PHF14: variants seen among roughly 807,000 people sequenced by gnomAD.
PHF14 encodes PHD finger protein 14.
In PHF14, 55 loss-of-function variants were observed where a neutral mutation model predicts 117.9. That is an observed-to-expected ratio of 0.47 (90% CI 0.38 to 0.58). PHF14 has a LOEUF of 0.58. Ranked by LOEUF, PHF14 falls within the 20% of genes least tolerant of loss-of-function variation. The probability of loss-of-function intolerance (pLI) is 0.00; values close to 1 mark genes in which losing one functional copy is unlikely to be tolerated. For missense variants in PHF14, 978 were observed against 1,122.2 expected (o/e 0.87, Z 1.84); for synonymous variants, 409 against 368.6 (o/e 1.11, Z -1.26).
intron 17 of PHF14, among the ~76,000 whole-genome samples, chr7:11,112,572 C>A (rs1257464380): frequency 2.0e-5 from 3 of 151,982 alleles, no homozygotes; most frequent in Non-Finnish European, 2.9e-5. Flanking sequence ...GAGTTCGAGA[C>A]CAGCCTGGCC....
chr7:11,005,350 TTCAG>T (rs1188713517), intron 4 of PHF14, among the ~76,000 whole-genome samples: 2 of 152,216 alleles, frequency 1.3e-5, no homozygotes, highest in African/African-American at 4.8e-5. Flanking sequence ...TTTTTTCCTT[TTCAG>T]TATTACTGTG....
chr7:11,154,056 A>G (rs1201099847), intron 17 of PHF14, among the ~76,000 whole-genome samples: 1 of 152,100 alleles, frequency 6.6e-6, no homozygotes, highest in Non-Finnish European at 1.5e-5. Flanking sequence ...TGTCGCCGGT[A>G]GGGTCTACCA....
At chr7:11,071,011 G>C (rs1328835975) in intron 16 of PHF14, among the ~76,000 whole-genome samples, 1 of 152,134 alleles carries the variant, frequency 6.6e-6, no homozygotes, top group Non-Finnish European at 1.5e-5. Flanking sequence ...GCTTCTTGAA[G>C]CTAAAATAAT....
intron 7 of PHF14, among the ~76,000 whole-genome samples, chr7:11,034,179 A>C (rs928410762): frequency 8.6e-5 from 13 of 151,356 alleles, no homozygotes; most frequent in South Asian, 2.1e-4. Flanking sequence ...CTGTTCTTAT[A>C]TGTCTCTCCT....
intron 16 of PHF14, among the ~76,000 whole-genome samples, chr7:11,086,506 G>A (rs1410489008): frequency 2.6e-5 from 4 of 152,046 alleles, no homozygotes; most frequent in Admixed American, 1.3e-4. Context: ...TAGTCCATAT[G>A]TCTTGGTCAG....
chr7:11,111,565 G>T, intron 17 of PHF14, 98 bp downstream of exon 17: 4 of 600,638 alleles, frequency 6.7e-6, no homozygotes, highest in Admixed American at 2.7e-5. Flanking sequence ...ATTGGAATAT[G>T]AAGAACCAAC....
intron 16 of PHF14, chr7:11,103,151 A>G (rs1421279795): frequency 1.0e-6 from 1 of 978,468 alleles, no homozygotes; most frequent in Non-Finnish European, 1.2e-6. Context: ...GAAGCATATG[A>G]CATTCTATTT....
At chr7:11,008,598 T>C (rs1339238167) in intron 4 of PHF14, among the ~76,000 whole-genome samples, 1 of 152,162 alleles carries the variant, frequency 6.6e-6, no homozygotes, top group Non-Finnish European at 1.5e-5. Flanking sequence ...ATAATCCCCC[T>C]GTCCCATCCA....
intron 16 of PHF14, among the ~76,000 whole-genome samples, chr7:11,100,093 C>G (rs1304897104): frequency 6.6e-6 from 1 of 152,024 alleles, no homozygotes; most frequent in Non-Finnish European, 1.5e-5. Flanking sequence ...ATTTTTCTTT[C>G]ATTTTTAAAT....
intron 17 of PHF14, among the ~76,000 whole-genome samples, chr7:11,140,960 C>T (rs958953500): frequency 4.6e-5 from 7 of 152,036 alleles, no homozygotes; most frequent in African/African-American, 1.7e-4. Flanking sequence ...TAGGTAACTT[C>T]CTTTTTCATG....
rs149249620 is a variant in PHF14, at chr7:11,029,413, G to C, written c.1455+595G>C. On this transcript the variant is annotated intron_variant, in intron 7 of 17. Transcript: ENST00000634607. ...GAACTCTGTTCTTTCATGAGTATTA[G>C]TGGAGACTTCCAGAGATTACATACA... 6.5e-3 allele frequency among the ~76,000 whole-genome samples: 988 copies of C among 152,200 alleles called. 44 individuals are homozygous for C. The highest frequency in any genetic ancestry group is 0.056 in the Admixed American group (854 of 15,290).
At chr7:11,039,180 A>G (rs1784420414) in intron 11 of PHF14, among the ~76,000 whole-genome samples, 1 of 151,892 alleles carries the variant, frequency 6.6e-6, no homozygotes, top group African/African-American at 2.4e-5. Context: ...CTTTCCTTTA[A>G]TTTAGCAGTT....
intron 11 of PHF14, among the ~76,000 whole-genome samples, chr7:11,039,294 T>C (rs114597711): frequency 0.013 from 1,982 of 152,252 alleles, 40 homozygotes; most frequent in African/African-American, 0.045. Context: ...ACTAGAGATA[T>C]TCATTTTTAT....
intron 17 of PHF14, among the ~76,000 whole-genome samples, chr7:11,123,506 G>C (rs950063684): frequency 3.3e-5 from 5 of 152,138 alleles, no homozygotes; most frequent in Admixed American, 3.3e-4. Context: ...AGTTGGCTGG[G>C]CGCAGTGGCT....
intron 17 of PHF14, among the ~76,000 whole-genome samples, chr7:11,125,102 T>A (rs1787890556): frequency 6.6e-6 from 1 of 152,072 alleles, no homozygotes; most frequent in Non-Finnish European, 1.5e-5. Context: ...ACAATATGGA[T>A]GATTTATGTA....
intron 4 of PHF14, among the ~76,000 whole-genome samples, chr7:11,000,303 A>ATG (rs2128312822): frequency 7.6e-6 from 1 of 131,738 alleles, no homozygotes; most frequent in South Asian, 2.6e-4. Flanking sequence ...CTGTTGTATG[A>ATG]TGTGGAGTAT....
chr7:11,066,144 A>T (rs1222153917), intron 16 of PHF14, among the ~76,000 whole-genome samples: 1 of 152,214 alleles, frequency 6.6e-6, no homozygotes, highest in African/African-American at 2.4e-5. Flanking sequence ...TACATTTAAA[A>T]ATCTGGCTTG....
At chr7:11,083,101 G>A (rs576570262) in intron 16 of PHF14, among the ~76,000 whole-genome samples, 1 of 152,156 alleles carries the variant, frequency 6.6e-6, no homozygotes, top group Admixed American at 6.5e-5. Flanking sequence ...AGAGAATCGG[G>A]TCTAGCTTAG....
intron 16 of PHF14, among the ~76,000 whole-genome samples, chr7:11,098,542 G>A (rs988858075): frequency 2.0e-5 from 3 of 151,996 alleles, no homozygotes; most frequent in South Asian, 2.1e-4. Context: ...CTTCTGGCTC[G>A]TTTCCTCACC....
Sources: allele counts gnomAD v4.1 joint callset (sites outside exome capture counted in the v4.1 genomes callset), GRCh38; gene constraint gnomAD v4.1.1; transcripts MANE v1.5; gene names NCBI Gene and HGNC (gene_info 2026-07-23, HGNC 2026-07-21).